ADAP1: variants seen among roughly 807,000 people sequenced by gnomAD.
ADAP1 encodes the protein arf-GAP with dual PH domain-containing protein 1.
In ADAP1, 31 loss-of-function variants were observed where a neutral mutation model predicts 54.9. The observed-to-expected ratio is 0.56, with a 90% CI of 0.42 to 0.76. The LOEUF (loss-of-function observed/expected upper bound fraction) is 0.76, where lower values mean the gene tolerates loss of function less well. Ranked by LOEUF, ADAP1 falls within the 30% of genes least tolerant of loss-of-function variation. The pLI is 0.00. For missense variants in ADAP1, 535 were observed against 512.4 expected, an observed-to-expected ratio of 1.04 and a Z score of -0.42; for synonymous variants, 313 against 202.6, an observed-to-expected ratio of 1.55 and a Z score of -4.63.
chr7:917,632 T>C (rs971522418), intron 4 of ADAP1, among the ~76,000 whole-genome samples: 3 of 151,928 alleles, frequency 2.0e-5, no homozygotes, highest in African/African-American at 7.3e-5. Flanking sequence ...ACCTGGCTAA[T>C]TTTTGTATTT....
At position 920,371 on chromosome 7, in the gene ADAP1, A is replaced by G. The variant is rs116113163; in HGVS notation, c.306-321T>C. Among the ~76,000 whole-genome samples the G allele has an allele frequency of 0.014, 2,073 of 151,884 alleles. 40 individuals are homozygous for G. The highest frequency in any genetic ancestry group is 0.047 in the African/African-American group (1,944 of 41,370). On this transcript the variant is annotated intron_variant, in intron 3 of 10. Coordinates refer to ENST00000265846, the MANE Select transcript of ADAP1 (RefSeq NM_006869.4). The surrounding 1 kb of genome is among the most constrained non-coding windows in gnomAD (Gnocchi z 4.5). ...CCACCTTGGCCTCAGCTGATGCCCC[A>G]CAGGGCTGGGGTACAGGGGTTGAGC...
rs1844623364 is a variant in ADAP1 at position 898,657 on chromosome 7, C to CCCT, written c.*263_*264insAGG. 1.8e-6 allele frequency: 1 copy of CCCT among 542,878 alleles called. No homozygotes were observed. Among genetic ancestry groups the CCCT allele is most frequent in the Admixed American group, 3.1e-5 (1 of 31,826 alleles). The allele number at this position is 542,878 out of a possible 1,614,324, so 33.6% of individuals were successfully genotyped here. A position where few individuals can be genotyped will look rare whatever the true frequency, so the allele number is the denominator to read the frequency against. The stretch of plus-strand genomic sequence containing the variant: ...CTGGGCCCTGGAGGAAAGGGGGCCC[C>CCCT]GGGTCAGGGAGGGGCAGGTTGGCTG... On this transcript the variant is annotated 3_prime_UTR_variant, in exon 11 of 11. Coordinates refer to ENST00000265846, the MANE Select transcript of ADAP1 (RefSeq NM_006869.4).
chr7:910,345 G>A (rs904261003), intron 4 of ADAP1, among the ~76,000 whole-genome samples: 2 of 152,012 alleles, frequency 1.3e-5, no homozygotes, highest in East Asian at 1.9e-4. Context: ...GACCTTCCGG[G>A]CTCAAGTGAT....
rs548025841 is a variant in ADAP1 at position 938,569 on chromosome 7, C to G, written c.83-3064G>C. Reference sequence around the variant, plus strand: ...CAGAAGAGAGAGACCTGACTCCCCCCGGGCTCCGTCTTCTCCCGAAGCCTT... The same window carrying G: ...CAGAAGAGAGAGACCTGACTCCCCCGGGGCTCCGTCTTCTCCCGAAGCCTT... On this transcript the variant is annotated intron_variant, in intron 1 of 10. Coordinates refer to ENST00000265846, the MANE Select transcript of ADAP1 (RefSeq NM_006869.4). This position sits in a 1 kb window ranked among gnomAD's most constrained non-coding sequence, Gnocchi z 4.4. 4.6e-5 allele frequency among the ~76,000 whole-genome samples: 7 copies of G among 152,310 alleles called. No individual in the cohort carries two copies. The highest frequency in any genetic ancestry group is 2.6e-4 in the Admixed American group (4 of 15,300).
intron 3 of ADAP1, among the ~76,000 whole-genome samples, chr7:921,138 G>T (rs989916532): frequency 6.6e-6 from 1 of 152,130 alleles, no homozygotes; most frequent in Non-Finnish European, 1.5e-5. Context: ...TCAAGGCGTC[G>T]GCCGAGCTGG....
rs117831481 is a variant in ADAP1 at position 932,949 on chromosome 7, G to A, written c.213+2426C>T. 3.7e-3 allele frequency among the ~76,000 whole-genome samples: 559 copies of A among 152,244 alleles called. 3 individuals carry two copies. The highest frequency in any genetic ancestry group is 5.7e-3 in the Non-Finnish European group (389 of 68,012). ...TCTGTCTCCCAGGCTGGAGCACAAA[G>A]GTGCAATCACAACTCACTGCAGCCT... On this transcript the variant is annotated intron_variant, in intron 2 of 10. Transcript: ENST00000265846.
chr7:909,213 G>GGACGC (rs1562917951), intron 4 of ADAP1, among the ~76,000 whole-genome samples: 4 of 66,640 alleles, frequency 6.0e-5, no homozygotes, highest in African/African-American at 2.6e-4. Context: ...GCAGGCGCCA[G>GGACGC]CGGGAACCCC....
chr7:935,456 G>A lies in ADAP1; in HGVS notation c.132C>T (p.Cys44=), dbSNP rs1343507428. Residue 44 remains cysteine, a synonymous_variant, in exon 2 of 11, where the codon TGC becomes TGT. Transcript: ENST00000265846. ...YTLGVFICLS[C]SGIHRNIPQV... The stretch of plus-strand genomic sequence containing the variant: ...GGGGGATATTCCGGTGGATTCCCGA[G>A]CAGCTCAGGCAGATGAAGACGCCCA... 1.3e-6 allele frequency: 2 copies of A among 1,561,774 alleles called. No homozygotes were observed. Among genetic ancestry groups the A allele is most frequent in the Admixed American group, 3.8e-5 (2 of 52,294 alleles).
intron 7 of ADAP1, among the ~76,000 whole-genome samples, 166 bp from the exon 8 acceptor site, chr7:900,330 T>TCC (rs1302802583): frequency 6.6e-6 from 1 of 151,944 alleles, no homozygotes; most frequent in Non-Finnish European, 1.5e-5. Flanking sequence ...TGCCACCCCT[T>TCC]CCCTCCCCGC....
At chr7:927,876 ATTT>A (rs1846439798) in intron 2 of ADAP1, among the ~76,000 whole-genome samples, 1 of 146,770 alleles carries the variant, frequency 6.8e-6, no homozygotes, top group African/African-American at 2.6e-5. Context: ...CAGCAACAGA[ATTT>A]ATTATATTTT....
chr7:954,326 C>T, intron 1 of ADAP1, 70 bp downstream of exon 1: 1 of 1,001,682 alleles, frequency 1.0e-6, no homozygotes, highest in African/African-American at 1.7e-5. Context: ...GGGGCCCACC[C>T]AGGACCCGCC....
In ADAP1 at chr7:920,696, G is replaced by A. The variant is rs540645967; in HGVS notation, c.306-646C>T. 856 of 1,136,196 alleles carry A rather than the reference G, an allele frequency of 7.5e-4. 3 individuals are homozygous for A. The highest frequency in any genetic ancestry group is 1.1e-3 in the South Asian group (77 of 67,482). The allele number at this position is 1,136,196 out of a possible 1,614,324, so 70.4% of individuals were successfully genotyped here. A position where few individuals can be genotyped will look rare whatever the true frequency, so the allele number is the denominator to read the frequency against. On this transcript the variant is annotated intron_variant, in intron 3 of 10. Coordinates refer to ENST00000265846, the MANE Select transcript of ADAP1 (RefSeq NM_006869.4). The surrounding 1 kb of genome is among the most constrained non-coding windows in gnomAD (Gnocchi z 4.5). ...GGAGAAGCCCCCGAGAGTAAAGCCC[G>A]GGACGAGGGCCCCCCACGGCACCCA...
At position 954,559 on chromosome 7, in the gene ADAP1, CCCG is replaced by C. The variant is rs1562940747; in HGVS notation, c.-85_-83del. 15 of 989,154 alleles carry C rather than the reference CCCG, an allele frequency of 1.5e-5. No individual in the cohort carries two copies. In the Admixed American group the frequency reaches 2.5e-4, roughly 16 times the overall value. The allele number at this position is 989,154 out of a possible 1,614,324, so 61.3% of individuals were successfully genotyped here. On this transcript the variant is annotated 5_prime_UTR_variant, in exon 1 of 11. Coordinates refer to ENST00000265846, the MANE Select transcript of ADAP1 (RefSeq NM_006869.4). ...GCTCGCTAGGGCCCCGCGCAGGCCG[CCCG>C]CCGCCGCCGCCCCTGCGCCATCCCG...
chr7:903,927 C>G, intron 6 of ADAP1, 199 bp downstream of exon 6: 1 of 626,726 alleles, frequency 1.6e-6, no homozygotes, highest in Non-Finnish European at 2.6e-6. Flanking sequence ...TCCCATGCTG[C>G]CCGGCGCCAG....
chr7:948,187 G>A (rs545638379), intron 1 of ADAP1, among the ~76,000 whole-genome samples: 7 of 150,778 alleles, frequency 4.6e-5, no homozygotes, highest in Admixed American at 2.0e-4. Context: ...ACCTGACCCA[G>A]CCATGTCTGT....
rs370343329 is a variant in ADAP1 at position 904,114 on chromosome 7, G to A, written c.648+12C>T. ...CTGTGCCACCCGGGCCCGAGTGCTCGCCAGCACCCACCTTCCCGTCCTCAT... is the reference window on the plus strand; with the variant it reads ...CTGTGCCACCCGGGCCCGAGTGCTCACCAGCACCCACCTTCCCGTCCTCAT... On this transcript the variant is annotated intron_variant, in intron 6 of 10. Coordinates refer to ENST00000265846, the MANE Select transcript of ADAP1 (RefSeq NM_006869.4). 2.5e-4 allele frequency: 405 copies of A among 1,611,370 alleles called. No individual in the cohort carries two copies. In the African/African-American group the frequency reaches 3.2e-3, roughly 13 times the overall value.
intron 4 of ADAP1, among the ~76,000 whole-genome samples, chr7:910,494 T>TCC (rs1845679313): frequency 6.6e-6 from 1 of 152,128 alleles, no homozygotes; most frequent in Non-Finnish European, 1.5e-5. Context: ...CAGGTGACCC[T>TCC]CCTGCCTCTC....
At chr7:937,123 G>A (rs1467993797) in intron 1 of ADAP1, among the ~76,000 whole-genome samples, 2 of 105,098 alleles carry the variant, frequency 1.9e-5, no homozygotes, top group Admixed American at 9.4e-5. Context: ...GGTCACGCCC[G>A]ACCTCTGGGA....
chr7:951,027 T>C (rs1432916174), intron 1 of ADAP1, among the ~76,000 whole-genome samples: 1 of 151,886 alleles, frequency 6.6e-6, no homozygotes, highest in Non-Finnish European at 1.5e-5. Context: ...TGAGTGAACG[T>C]GCTCAAGGCC....
Sources: allele counts gnomAD v4.1 joint callset (sites outside exome capture counted in the v4.1 genomes callset), GRCh38; gene constraint gnomAD v4.1.1; non-coding constraint Gnocchi (gnomAD v3.1); transcripts MANE v1.5; gene names NCBI Gene and HGNC (gene_info 2026-07-23, HGNC 2026-07-21).